STARD6: variants seen among roughly 807,000 people sequenced by gnomAD.
STARD6 encodes StAR related lipid transfer domain containing 6.
A neutral mutation model predicts 22.3 loss-of-function variants in STARD6; 21 were observed. The observed-to-expected ratio is 0.94, with a 90% confidence interval of 0.67 to 1.35. The LOEUF (loss-of-function observed/expected upper bound fraction) is 1.35, where lower values mean the gene tolerates loss of function less well. Among genes scored for constraint, STARD6 ranks in the 40% most tolerant of loss-of-function variants. The pLI, the probability that STARD6 is intolerant of heterozygous loss-of-function variation, is 0.00. For missense variants in STARD6, 269 were observed against 266.9 expected, an observed-to-expected ratio of 1.01 and a Z score of -0.05; for synonymous variants, 80 against 88.1, an observed-to-expected ratio of 0.91 and a Z score of 0.52.
intron 4 of STARD6, among the ~76,000 whole-genome samples, chr18:54,344,862 G>A (rs1192107483): frequency 2.6e-5 from 4 of 152,162 alleles, no homozygotes; most frequent in Admixed American, 2.6e-4. Flanking sequence ...TCAGGATAAA[G>A]CATTCATAGA....
Position 54,337,191 on chromosome 18 carries a change from T to G in STARD6, c.201A>C (p.Gln67His). 6.2e-7 allele frequency: 1 copy of G among 1,613,444 alleles called. No individual in the cohort carries two copies. Among genetic ancestry groups the G allele is most frequent in the Non-Finnish European group, 8.5e-7 (1 of 1,179,580 alleles). Residue 67 changes from glutamine to histidine, a missense_variant, in exon 5 of 8, where the codon CAA becomes CAC. Physicochemically the swap from Gln to His is conservative, Grantham distance 24. Coordinates refer to ENST00000307844, the MANE Select transcript of STARD6 (RefSeq NM_139171.2). Reference protein sequence around the residue: ...SPAKLSDFLYQTGDRITWDKS... With the variant: ...SPAKLSDFLYHTGDRITWDKS... ...TATCCCATGTAATTCTGTCTCCAGT[T>G]TGGTAGAGGAAATCAGATAGTTTAG...
intron 4 of STARD6, among the ~76,000 whole-genome samples, chr18:54,340,316 G>A (rs761111364): frequency 2.0e-5 from 3 of 151,994 alleles, no homozygotes; most frequent in Non-Finnish European, 4.4e-5. Flanking sequence ...ATATCTTACT[G>A]GAATTAAGTT....
chr18:54,324,918 G>C, intron 7 of STARD6, 43 bp from the exon 8 acceptor site: 1 of 1,443,408 alleles, frequency 6.9e-7, no homozygotes, highest in Non-Finnish European at 9.1e-7. Context: ...GAAATTTTTA[G>C]ATTTAACTAC....
intron 6 of STARD6, among the ~76,000 whole-genome samples, chr18:54,329,772 A>C (rs1034980086): frequency 6.6e-6 from 1 of 152,130 alleles, no homozygotes; most frequent in African/African-American, 2.4e-5. Context: ...TAATGCTGAT[A>C]ACTAACTTAA....
At chr18:54,349,829 T>C (rs1425326326) in intron 4 of STARD6, among the ~76,000 whole-genome samples, 5 of 152,204 alleles carry the variant, frequency 3.3e-5, no homozygotes, top group Non-Finnish European at 7.4e-5. Context: ...GTGAATGCTA[T>C]TATTTTGTTG....
At chr18:54,351,899 G>GTTTTTTTTTTTTTTTTT (rs60888927) in intron 4 of STARD6, among the ~76,000 whole-genome samples, 1 of 70,660 alleles carries the variant, frequency 1.4e-5, no homozygotes, top group African/African-American at 7.8e-5. Flanking sequence ...ATATTGGTCC[G>GTTTTTTTTTTTTTTTTT]TTTTTTTTTT....
At chr18:54,348,794 A>T (rs1181822673) in intron 4 of STARD6, among the ~76,000 whole-genome samples, 1 of 152,144 alleles carries the variant, frequency 6.6e-6, no homozygotes, top group East Asian at 1.9e-4. Context: ...CAACCAAAGA[A>T]CTGCTTCTCT....
chr18:54,332,071 A>G (rs114092139), intron 5 of STARD6, among the ~76,000 whole-genome samples: 3,173 of 152,252 alleles, frequency 0.021, 71 homozygotes, highest in South Asian at 0.066. Flanking sequence ...AGCAATCTTG[A>G]TATCATCTAC....
chr18:54,354,200 T>C, intron 3 of STARD6, 97 bp from the exon 4 acceptor site: 1 of 815,216 alleles, frequency 1.2e-6, no homozygotes, highest in Non-Finnish European at 2.0e-6. Context: ...TTTTTTCTGG[T>C]TTGTAAAAGA....
intron 5 of STARD6, among the ~76,000 whole-genome samples, chr18:54,332,566 A>G (rs544359616): frequency 6.6e-6 from 1 of 152,280 alleles, no homozygotes; most frequent in Admixed American, 6.5e-5. Context: ...CTAGGTGTTC[A>G]CCCTGTTCCC....
intron 2 of STARD6, chr18:54,355,754 A>T (rs2089137276): frequency 1.3e-5 from 2 of 152,210 alleles, no homozygotes; most frequent in African/African-American, 2.4e-5. Context: ...ACAGTTGAGT[A>T]AGATACTAGA....
rs184177094 is a variant in STARD6, at chr18:54,327,887, G to A, written c.479+1460C>T. On this transcript the variant is annotated intron_variant, in intron 7 of 7. Transcript: ENST00000307844. Reference sequence around the variant, plus strand: ...CTTATACTCTGTTTCACTTTCTGCAGTTTCATTTATCCAAGGTCAACCTGT... The same window carrying A: ...CTTATACTCTGTTTCACTTTCTGCAATTTCATTTATCCAAGGTCAACCTGT... 1.8e-3 allele frequency among the ~76,000 whole-genome samples: 279 copies of A among 150,954 alleles called. 1 individual carries two copies. The highest frequency in any genetic ancestry group is 2.1e-3 in the Non-Finnish European group (145 of 67,804).
chr18:54,341,761 G>A (rs1324445830), intron 4 of STARD6, among the ~76,000 whole-genome samples: 1 of 152,164 alleles, frequency 6.6e-6, no homozygotes, highest in African/African-American at 2.4e-5. Flanking sequence ...ATGGGATGCT[G>A]CAAAAGCAGT....
In STARD6 at chr18:54,324,796, T is replaced by C; in HGVS notation, c.559A>G (p.Thr187Ala). Reference sequence around the variant, plus strand: ...AAGTTTACTAAGTTGGAAGGCATGGTTTTTTCAATTATTGATGGGGACAAT... The same window carrying C: ...AAGTTTACTAAGTTGGAAGGCATGGCTTTTTCAATTATTGATGGGGACAAT... ...GKLSPSIIEK[T>A]MPSNLVNFIL... Residue 187 changes from threonine to alanine, a missense_variant, in exon 8 of 8, where the codon ACC (threonine) becomes GCC (alanine). Physicochemically the swap from Thr to Ala is moderately conservative, Grantham distance 58. Coordinates refer to ENST00000307844, the MANE Select transcript of STARD6 (RefSeq NM_139171.2). 6.2e-7 allele frequency: 1 copy of C among 1,607,366 alleles called. No individual in the cohort carries two copies. The highest frequency in any genetic ancestry group is 1.1e-5 in the South Asian group (1 of 89,994).
intron 4 of STARD6, among the ~76,000 whole-genome samples, chr18:54,347,598 C>T (rs2089049149): frequency 1.3e-5 from 2 of 152,074 alleles, no homozygotes; most frequent in Admixed American, 6.6e-5. Flanking sequence ...GTTTGAACAA[C>T]GCTTTCCAAA....
rs186426354 is a variant in STARD6, at chr18:54,328,587, T to C, written c.479+760A>G. On this transcript the variant is annotated intron_variant, in intron 7 of 7. Transcript: ENST00000307844. ...TAGTTTTCCAGTTCAGTAGAGGAAATGTTAAGGAATACAGGTCCAAAATTT... is the reference window on the plus strand; with the variant it reads ...TAGTTTTCCAGTTCAGTAGAGGAAACGTTAAGGAATACAGGTCCAAAATTT... Among the ~76,000 whole-genome samples the C allele has an allele frequency of 2.5e-3, 386 of 152,258 alleles. 6 individuals carry two copies. The highest frequency in any genetic ancestry group is 2.5e-3 in the Admixed American group (38 of 15,294).
intron 2 of STARD6, chr18:54,355,988 T>A (rs914818403): frequency 6.6e-6 from 1 of 152,206 alleles, no homozygotes; most frequent in Non-Finnish European, 1.5e-5. Context: ...AATATCTATC[T>A]CACCGAATCA....
intron 4 of STARD6, among the ~76,000 whole-genome samples, chr18:54,344,742 TA>T (rs2089019770): frequency 6.6e-6 from 1 of 152,140 alleles, no homozygotes; most frequent in Non-Finnish European, 1.5e-5. Context: ...AAGGTTGGTT[TA>T]CCATATGAAT....
At chr18:54,329,531 A>G in intron 6 of STARD6, 91 bp from the exon 7 acceptor site, 1 of 1,040,330 alleles carries the variant, frequency 9.6e-7, no homozygotes, top group Non-Finnish European at 1.4e-6. Context: ...ATAGCATTTA[A>G]GTTAGTTAAT....
Sources: gnomAD v4.1 joint callset for allele counts (sites outside exome capture counted in the v4.1 genomes callset) on GRCh38, gnomAD v4.1.1 for gene constraint, MANE v1.5 for transcripts, NCBI Gene and HGNC (gene_info 2026-07-23, HGNC 2026-07-21) for gene names.